Variants in PCDHGB2 observed in about 807,000 individuals in gnomAD.
PCDHGB2 encodes protocadherin gamma-B2.
PCDHGB2 carries 55 observed loss-of-function variants against 59.3 expected under a neutral mutation model. The observed-to-expected ratio is 0.93, with a 90% CI of 0.75 to 1.16. The LOEUF is 1.16. Ranked by LOEUF, PCDHGB2 falls within the 50% of genes most tolerant of loss-of-function variation. The pLI is 0.00. For synonymous variants in PCDHGB2, 516 were observed against 512.0 expected (o/e 1.01, Z -0.11); for missense variants, 1,228 against 1,198.5 (o/e 1.02, Z -0.36).
chr5:141,376,269 G>A, intron 1 of PCDHGB2: 2 of 1,614,224 alleles, frequency 1.2e-6, no homozygotes, highest in South Asian at 1.1e-5. Context: ...CAGGCTTCGG[G>A]AGGTGGCTTA....
At position 141,477,039 on chromosome 5, in the gene PCDHGB2, G is replaced by C. The variant is rs1313580652; in HGVS notation, c.2422-17768G>C. Reference sequence around the variant, plus strand: ...GTAACCGGGATGCTGACAATCAAGGGTCGGCTGGACTTCGAGGACACCAAA... The same window carrying C: ...GTAACCGGGATGCTGACAATCAAGGCTCGGCTGGACTTCGAGGACACCAAA... On this transcript the variant is annotated intron_variant, in intron 1 of 3. Coordinates refer to ENST00000522605, the MANE Select transcript of PCDHGB2 (RefSeq NM_018923.3). This position sits in a 1 kb window ranked among gnomAD's most constrained non-coding sequence, Gnocchi z 4.9. 1 of 1,614,144 alleles carries C rather than the reference G, an allele frequency of 6.2e-7. No individual in the cohort carries two copies. The highest frequency in any genetic ancestry group is 8.5e-7 in the Non-Finnish European group (1 of 1,180,056).
At chr5:141,404,776 A>G (rs2094566348) in intron 1 of PCDHGB2, 1 of 1,612,952 alleles carries the variant, frequency 6.2e-7, no homozygotes, top group Non-Finnish European at 8.5e-7. Flanking sequence ...CCTACCGCCT[A>G]TTCAAGGCCA....
rs1259831891 is a variant in PCDHGB2 at position 141,383,082 on chromosome 5, G to C, written c.2421+20526G>C. 36 of 1,613,934 alleles carry C rather than the reference G, an allele frequency of 2.2e-5. 1 individual carries two copies. The highest frequency in any genetic ancestry group is 3.1e-5 in the Non-Finnish European group (36 of 1,179,910). ...GGCTGGAGCCCCGGGAGCTGGCGGA[G>C]CGCGGAGTCCGCATCATCTCCAGAG... On this transcript the variant is annotated intron_variant, in intron 1 of 3. Transcript: ENST00000522605.
chr5:141,421,130 A>G, intron 1 of PCDHGB2: 1 of 827,800 alleles, frequency 1.2e-6, no homozygotes, highest in South Asian at 1.8e-5. Context: ...GCTTTCTGAT[A>G]TATTTTGGAT....
chr5:141,370,530 C>T (rs1302599880), intron 1 of PCDHGB2: 2 of 1,613,800 alleles, frequency 1.2e-6, no homozygotes, highest in Non-Finnish European at 1.7e-6. Flanking sequence ...CAGGGGCTCG[C>T]TGGTAGGGAA....
intron 1 of PCDHGB2, chr5:141,388,422 C>T (rs68033444): frequency 0.056 from 89,796 of 1,613,752 alleles, 3,047 homozygotes; most frequent in African/African-American, 0.15. Flanking sequence ...TCATTTCTCA[C>T]TGATAAATAA....
intron 2 of PCDHGB2, among the ~76,000 whole-genome samples, chr5:141,502,908 C>G (rs1398336138): frequency 1.5e-5 from 2 of 132,418 alleles, no homozygotes; most frequent in Non-Finnish European, 3.0e-5. Flanking sequence ...TGTTGCCAGG[C>G]TGGAGTGCAG....
intron 1 of PCDHGB2, chr5:141,413,063 T>G: frequency 1.8e-6 from 2 of 1,142,610 alleles, no homozygotes; most frequent in East Asian, 5.1e-5. Context: ...CACTCCAGAA[T>G]TTAAAGTGCC....
chr5:141,408,922 G>C, intron 1 of PCDHGB2: 1 of 1,613,222 alleles, frequency 6.2e-7, no homozygotes. Context: ...ATAACCCCCC[G>C]GTTTTCAGCA....
rs756332070 is a variant in PCDHGB2, at chr5:141,431,578, C to A, written c.2422-63229C>A. The stretch of plus-strand genomic sequence containing the variant: ...ACGCTACCGACCCTGACGAAGGAGT[C>A]AATGCGGAAGTGAGGTATTCCTTCC... On this transcript the variant is annotated intron_variant, in intron 1 of 3. Transcript: ENST00000522605. This position sits in a 1 kb window ranked among gnomAD's most constrained non-coding sequence, Gnocchi z 4.8. 6.2e-7 allele frequency: 1 copy of A among 1,614,164 alleles called. No homozygotes were observed. Among genetic ancestry groups the A allele is most frequent in the African/African-American group, 1.3e-5 (1 of 75,060 alleles).
intron 1 of PCDHGB2, among the ~76,000 whole-genome samples, chr5:141,438,935 G>A (rs1306603362): frequency 6.6e-6 from 1 of 151,810 alleles, no homozygotes; most frequent in African/African-American, 2.4e-5. Context: ...CAAAGTGCTG[G>A]GATTATAGGC....
At chr5:141,398,273 A>G (rs1223394149) in intron 1 of PCDHGB2, 1 of 1,414,722 alleles carries the variant, frequency 7.1e-7, no homozygotes, top group Non-Finnish European at 9.6e-7. Flanking sequence ...GTAGTGGGGA[A>G]CCTCGCCACG....
rs756915110 is a variant in PCDHGB2, at chr5:141,490,431, T to C, written c.2422-4376T>C. 6 of 1,614,036 alleles carry C rather than the reference T, an allele frequency of 3.7e-6. No individual in the cohort carries two copies. In the South Asian group the frequency reaches 6.6e-5, roughly 18 times the overall value. ...TCTCTCCGGACCTGCCATTTCAGATTAAGCCTTCTGAGAACCACTACTCGC... is the reference window on the plus strand; with the variant it reads ...TCTCTCCGGACCTGCCATTTCAGATCAAGCCTTCTGAGAACCACTACTCGC... On this transcript the variant is annotated intron_variant, in intron 1 of 3. Transcript: ENST00000522605. The surrounding 1 kb of genome is among the most constrained non-coding windows in gnomAD (Gnocchi z 5.4).
intron 1 of PCDHGB2, among the ~76,000 whole-genome samples, chr5:141,482,843 G>A (rs1005014887): frequency 7.1e-6 from 1 of 140,154 alleles, no homozygotes; most frequent in Non-Finnish European, 1.5e-5. Flanking sequence ...AGGCCAAGGT[G>A]GGCAGATCAC....
chr5:141,370,949 C>A (rs1317760178), intron 1 of PCDHGB2: 2 of 1,613,980 alleles, frequency 1.2e-6, no homozygotes, highest in East Asian at 2.2e-5. Context: ...AGAAGGAGAA[C>A]CTGGATGGCA....
chr5:141,374,573 A>T (rs1319007072), intron 1 of PCDHGB2: 15 of 1,613,740 alleles, frequency 9.3e-6, no homozygotes, highest in Non-Finnish European at 1.3e-5. Context: ...TGATGTGGGA[A>T]TGAACTCCCT....
At position 141,431,209 on chromosome 5, in the gene PCDHGB2, G is replaced by C; in HGVS notation, c.2422-63598G>C. Reference sequence around the variant, plus strand: ...TTAGTGAAAATGCAGCCACTGAGATGCGGTTCCCTCTACCCCACGCCTGGG... The same window carrying C: ...TTAGTGAAAATGCAGCCACTGAGATCCGGTTCCCTCTACCCCACGCCTGGG... On this transcript the variant is annotated intron_variant, in intron 1 of 3. Coordinates refer to ENST00000522605, the MANE Select transcript of PCDHGB2 (RefSeq NM_018923.3). The surrounding 1 kb of genome is among the most constrained non-coding windows in gnomAD (Gnocchi z 4.8). 6.2e-7 allele frequency: 1 copy of C among 1,614,190 alleles called. No homozygotes were observed. Among genetic ancestry groups the C allele is most frequent in the Non-Finnish European group, 8.5e-7 (1 of 1,180,038 alleles).
At position 141,431,590 on chromosome 5, in the gene PCDHGB2, G is replaced by A; in HGVS notation, c.2422-63217G>A. On this transcript the variant is annotated intron_variant, in intron 1 of 3. Transcript: ENST00000522605. The surrounding 1 kb of genome is among the most constrained non-coding windows in gnomAD (Gnocchi z 4.8). ...CTGACGAAGGAGTCAATGCGGAAGT[G>A]AGGTATTCCTTCCGGTATGTGGACG... 1.2e-6 allele frequency: 2 copies of A among 1,614,240 alleles called. No homozygotes were observed. Among genetic ancestry groups the A allele is most frequent in the South Asian group, 1.1e-5 (1 of 91,090 alleles).
intron 1 of PCDHGB2, chr5:141,424,465 A>G (rs564844819): frequency 1.3e-5 from 2 of 152,146 alleles, no homozygotes; most frequent in Admixed American, 6.5e-5. Context: ...ATTTCCTTTT[A>G]TTCTTTTACT....
Sources: gnomAD v4.1 joint callset for allele counts (sites outside exome capture counted in the v4.1 genomes callset) on GRCh38, gnomAD v4.1.1 for gene constraint, Gnocchi (gnomAD v3.1) non-coding constraint, MANE v1.5 for transcripts, NCBI Gene and HGNC (gene_info 2026-07-23, HGNC 2026-07-21) for gene names.